The following COL1A2 variants were observed in gnomAD, a reference collection of about 807,000 sequenced individuals.
COL1A2 encodes collagen alpha-2(I) chain.
Under a neutral mutation model 174.3 loss-of-function variants are expected in COL1A2, and 49 were observed. That is an observed-to-expected ratio of 0.28 (90% confidence interval 0.22 to 0.36). COL1A2 has a LOEUF of 0.36. COL1A2 is among the 10% of genes least tolerant of loss of function. The pLI is 1.00. For synonymous variants in COL1A2, 655 were observed against 606.6 expected (o/e 1.08, Z -1.17); for missense variants, 1,438 against 1,822.7 (o/e 0.79, Z 3.84).
rs144776919 is a variant in COL1A2, at chr7:94,397,731, CT to C, written c.71-7del. 759 of 1,130,936 alleles carry C rather than the reference CT, an allele frequency of 6.7e-4. 1 individual carries two copies. Among genetic ancestry groups the C allele is most frequent in the Middle Eastern group, 1.1e-3 (5 of 4,622 alleles). The allele number at this position is 1,130,936 out of a possible 1,614,324, so 70.1% of individuals were successfully genotyped here. On this transcript the variant is annotated splice_polypyrimidine_tract_variant and intron_variant, in intron 1 of 51. Transcript: ENST00000297268. ...TACTAATAATTGTTTCCTACTTTTTCTTTTTTTTTTCTACAGCTTTACAAGA... is the reference window on the plus strand; with the variant it reads ...TACTAATAATTGTTTCCTACTTTTTCTTTTTTTTTCTACAGCTTTACAAGA...
intron 50 of COL1A2, 141 bp downstream of exon 50, chr7:94,428,618 C>A (rs1792336282): frequency 2.7e-6 from 2 of 752,730 alleles, no homozygotes; most frequent in East Asian, 5.4e-5. Context: ...CAATTTTGTC[C>A]TAAATTGCAC....
At chr7:94,418,636 A>G (rs1792091816) in intron 33 of COL1A2, 84 bp downstream of exon 33, 2 of 1,037,682 alleles carry the variant, frequency 1.9e-6, no homozygotes, top group African/African-American at 1.6e-5. Context: ...AATTAGAACT[A>G]CACACACTTT....
chr7:94,410,282 A>G lies in COL1A2; in HGVS notation c.1076A>G (p.Asn359Ser), dbSNP rs755584404. 1.2e-5 allele frequency: 19 copies of G among 1,613,902 alleles called. No individual in the cohort carries two copies. In the East Asian group the frequency reaches 4.0e-4, roughly 34 times the overall value. ...GPAGSKGESGNKGEPGSAGPQ... is the reference protein window; with the variant it reads ...GPAGSKGESGSKGEPGSAGPQ... ...GCTGGCTCCAAAGGAGAGAGCGGTAACAAGGGTGAGCCCGTAAGTAGCTCT... is the reference window on the plus strand; with the variant it reads ...GCTGGCTCCAAAGGAGAGAGCGGTAGCAAGGGTGAGCCCGTAAGTAGCTCT... The change falls in exon 20 of 52, where the codon AAC becomes AGC. Residue 359 changes from asparagine (N) to serine (S), a missense_variant. Physicochemically the swap from Asn to Ser is conservative, Grantham distance 46. Coordinates refer to ENST00000297268, the MANE Select transcript of COL1A2 (RefSeq NM_000089.4).
In COL1A2 at chr7:94,410,874, T is replaced by C. The variant is rs746971350; in HGVS notation, c.1198-15T>C. 3.7e-6 allele frequency: 6 copies of C among 1,613,348 alleles called. No individual in the cohort carries two copies. The highest frequency in any genetic ancestry group is 1.7e-4 in the Middle Eastern group (1 of 6,058). ...GATTTCTTTAATTCTCTCTATTTCA[T>C]GTACTTTCTTGCAGGGTAGTCCTGG... On this transcript the variant is annotated splice_polypyrimidine_tract_variant and intron_variant, in intron 21 of 51. Transcript: ENST00000297268.
chr7:94,414,130 A>C lies in COL1A2; in HGVS notation c.1666-92A>C. ...ATAACATACAATCGTGCTCATGTTG[A>C]TATTTGGTAGCCACCACCCCCAAAC... On this transcript the variant is annotated intron_variant, in intron 28 of 51. Transcript: ENST00000297268. 2.1e-6 allele frequency: 3 copies of C among 1,410,762 alleles called. No homozygotes were observed. The South Asian group carries it at 3.5e-5, about 16-fold the overall frequency. 87.4% of individuals were successfully genotyped at this position (1,410,762 alleles called of 1,614,324 possible). A position where few individuals can be genotyped will look rare whatever the true frequency, so the allele number is the denominator to read the frequency against.
chr7:94,400,119 A>G (rs1274233040), intron 4 of COL1A2, 77 bp from the exon 5 acceptor site: 21 of 1,365,424 alleles, frequency 1.5e-5, no homozygotes, highest in Non-Finnish European at 2.2e-5. Flanking sequence ...GGTCTGAACA[A>G]CTGATCTTAC....
intron 25 of COL1A2, 97 bp from the exon 26 acceptor site, chr7:94,412,986 A>G: frequency 4.8e-6 from 6 of 1,237,552 alleles, no homozygotes; most frequent in Non-Finnish European, 7.1e-6. Flanking sequence ...AAAAGAACAC[A>G]AAAACAAGCA....
intron 38 of COL1A2, among the ~76,000 whole-genome samples, chr7:94,421,670 C>T (rs558264130): frequency 1.3e-5 from 2 of 152,132 alleles, no homozygotes; most frequent in African/African-American, 2.4e-5. Flanking sequence ...CAAACCTTAA[C>T]GCAAAATATG....
chr7:94,410,109 T>A (rs1405597941), intron 19 of COL1A2, 133 bp from the exon 20 acceptor site: 20 of 923,702 alleles, frequency 2.2e-5, no homozygotes, highest in Non-Finnish European at 3.3e-5. Context: ...TCAATTTAAA[T>A]ATGAACAGGG....
chr7:94,410,346 C>T, intron 20 of COL1A2, 51 bp downstream of exon 20: 4 of 1,607,530 alleles, frequency 2.5e-6, no homozygotes, highest in Non-Finnish European at 3.4e-6. Context: ...TTTTCTCATT[C>T]CAGTTTCTCC....
rs1226079110 is a variant in COL1A2 at position 94,419,554 on chromosome 7, A to G, written c.2079+3A>G. The G allele has an allele frequency of 1.1e-5, 17 of 1,613,862 alleles. No homozygotes were observed. Among genetic ancestry groups the G allele is most frequent in the Non-Finnish European group, 1.4e-5 (17 of 1,179,948 alleles). Reference sequence around the variant, plus strand: ...CTGCTGGAGCCACAGGTGACCGGGTAAGCATGCATTTTCACTAAGCCAACA... The same window carrying G: ...CTGCTGGAGCCACAGGTGACCGGGTGAGCATGCATTTTCACTAAGCCAACA... On this transcript the variant is annotated splice_donor_region_variant and intron_variant, in intron 34 of 51. Transcript: ENST00000297268.
At chr7:94,408,955 G>A in intron 16 of COL1A2, 132 bp downstream of exon 16, 1 of 862,116 alleles carries the variant, frequency 1.2e-6, no homozygotes, top group South Asian at 1.4e-5. Context: ...CTTCAAAATG[G>A]ACATAGAATG....
chr7:94,418,206 T>G (rs1262485319), intron 32 of COL1A2, among the ~76,000 whole-genome samples: 1 of 152,224 alleles, frequency 6.6e-6, no homozygotes, highest in African/African-American at 2.4e-5. Flanking sequence ...TGATGTTGCC[T>G]TACAATTCTG....
chr7:94,418,076 G>A (rs1322431688), intron 32 of COL1A2, among the ~76,000 whole-genome samples: 1 of 152,114 alleles, frequency 6.6e-6, no homozygotes, highest in African/African-American at 2.4e-5. Flanking sequence ...TCATTTTAAT[G>A]CCACTAACAA....
rs752940354 is a variant in COL1A2, at chr7:94,412,609, C to T, written c.1430C>T (p.Pro477Leu). The T allele has an allele frequency of 5.6e-6, 9 of 1,613,952 alleles. No homozygotes were observed. Among genetic ancestry groups the T allele is most frequent in the Non-Finnish European group, 7.6e-6 (9 of 1,179,992 alleles). Residue 477 changes from proline (P) to leucine (L), a missense_variant, in exon 25 of 52, where the codon CCT (proline) becomes CTT (leucine). Pro to Leu is a moderately conservative substitution (Grantham distance 98). Around this residue, in one of 3 missense-constraint regions of COL1A2, gnomAD observed 867 missense variants for 1,213.7 expected, o/e 0.71. Coordinates refer to ENST00000297268, the MANE Select transcript of COL1A2 (RefSeq NM_000089.4). Reference sequence around the variant, plus strand: ...GGCCTCCCTGGCATCGACGGCAGGCCTGGCCCAATTGGCCCAGCTGGAGCA... The same window carrying T: ...GGCCTCCCTGGCATCGACGGCAGGCTTGGCCCAATTGGCCCAGCTGGAGCA... The part of the protein sequence containing the change: ...PVGLPGIDGR[P>L]GPIGPAGARG...
rs1293781445 is a variant in COL1A2 at position 94,399,085 on chromosome 7, G to T, written c.132+1G>T. 2 of 1,613,600 alleles carry T rather than the reference G, an allele frequency of 1.2e-6. No homozygotes were observed. Among genetic ancestry groups the T allele is most frequent in the South Asian group, 1.1e-5 (1 of 91,066 alleles). ...AGATAGAGGACCACGTGGAGAAAGG[G>T]TGTGTAATTTTTGAACTATAAAGGG... On this transcript the variant is annotated splice_donor_variant, in intron 4 of 51. Coordinates refer to ENST00000297268, the MANE Select transcript of COL1A2 (RefSeq NM_000089.4). LOFTEE classifies it high-confidence loss of function.
intron 40 of COL1A2, chr7:94,423,934 T>G (rs911007995): frequency 1.9e-4 from 47 of 248,456 alleles, no homozygotes; most frequent in Non-Finnish European, 5.5e-5. Context: ...GCAGTGTGAT[T>G]GCTGGATCTT....
chr7:94,397,780 A>C, intron 2 of COL1A2, 22 bp downstream of exon 2: 1 of 1,275,674 alleles, frequency 7.8e-7, no homozygotes, highest in Middle Eastern at 1.9e-4. Context: ...TTTTTTTAGA[A>C]TTTTTAAAAA....
Position 94,426,923 on chromosome 7 carries a change from T to G in COL1A2, c.3106-85T>G, listed in dbSNP as rs1467594973. The G allele has an allele frequency of 3.3e-6, 4 of 1,203,152 alleles. No homozygotes were observed. In the African/African-American group the frequency reaches 4.6e-5, roughly 14 times the overall value. The allele number at this position is 1,203,152 out of a possible 1,614,324, so 74.5% of individuals were successfully genotyped here. A position where few individuals can be genotyped will look rare whatever the true frequency, so the allele number is the denominator to read the frequency against. On this transcript the variant is annotated intron_variant, in intron 46 of 51. Coordinates refer to ENST00000297268, the MANE Select transcript of COL1A2 (RefSeq NM_000089.4). ...CAATCCGGAGTCCATTTAACTAAAG[T>G]TTCCCATTCAATTTGGAAAAAAAAA...
Sources: allele counts gnomAD v4.1 joint callset (sites outside exome capture counted in the v4.1 genomes callset), GRCh38; gene constraint gnomAD v4.1.1; regional missense constraint gnomAD v4.1.1; transcripts MANE v1.5; gene names NCBI Gene and HGNC (gene_info 2026-07-23, HGNC 2026-07-21).